The following MTUS1 variants were observed in gnomAD, a reference collection of about 807,000 sequenced individuals.
The protein encoded by MTUS1 is microtubule-associated tumor suppressor 1.
A neutral mutation model predicts 120.8 loss-of-function variants in MTUS1; 109 were observed. The ratio of observed to expected loss-of-function variants is 0.90; its 90% CI spans 0.77 to 1.06. The LOEUF is 1.06. Among genes scored for constraint, MTUS1 ranks in the 50% least tolerant of loss-of-function variants. The probability of loss-of-function intolerance (pLI) is 0.00; values close to 1 mark genes in which losing one functional copy is unlikely to be tolerated. For synonymous variants in MTUS1, 737 were observed against 550.5 expected, an observed-to-expected ratio of 1.34 and a Z score of -4.74; for missense variants, 2,210 against 1,486.3, an observed-to-expected ratio of 1.49 and a Z score of -8.01.
intron 8 of MTUS1, among the ~76,000 whole-genome samples, chr8:17,663,399 G>C (rs1483493300): frequency 6.6e-6 from 1 of 152,156 alleles, no homozygotes; most frequent in African/African-American, 2.4e-5. Context: ...AAATGATACA[G>C]TGCTTTCCTA....
rs886696272 is a variant in MTUS1 at position 17,797,828 on chromosome 8, T to G, written c.-155+3233A>C. ...GGAATAAAAGGGACTCAGGCTCTCATGGAGAACACACTTCCTTTAGTGAGG... is the reference window on the plus strand; with the variant it reads ...GGAATAAAAGGGACTCAGGCTCTCAGGGAGAACACACTTCCTTTAGTGAGG... On this transcript the variant is annotated intron_variant, in intron 1 of 14. Transcript: ENST00000693296. Among the ~76,000 whole-genome samples the G allele has an allele frequency of 2.0e-5, 3 of 152,326 alleles. No homozygotes were observed. In the East Asian group the frequency reaches 5.8e-4, roughly 29 times the overall value.
rs763067829 is a variant in MTUS1 at position 17,647,040 on chromosome 8, A to G, written c.3541T>C (p.Phe1181Leu). The G allele has an allele frequency of 5.6e-6, 9 of 1,614,050 alleles. No individual in the cohort carries two copies. Among genetic ancestry groups the G allele is most frequent in the Non-Finnish European group, 7.6e-6 (9 of 1,180,002 alleles). Residue 1181 changes from phenylalanine (F) to leucine (L), a missense_variant, in exon 14 of 15, where the codon TTC becomes CTC. Transcript: ENST00000693296. The part of the protein sequence containing the change: ...NTALVDKLKR[F>L]QQENEELKAR... ...TTCAATTCTTCATTCTCCTGCTGGAAACGCTTCAATTTGTCAACCAATGCT... is the reference window on the plus strand; with the variant it reads ...TTCAATTCTTCATTCTCCTGCTGGAGACGCTTCAATTTGTCAACCAATGCT...
chr8:17,691,699 T>A (rs1816971216), intron 6 of MTUS1, among the ~76,000 whole-genome samples: 1 of 152,234 alleles, frequency 6.6e-6, no homozygotes. Flanking sequence ...AATGCTAATA[T>A]ATGTGTTTTT....
At chr8:17,693,532 T>A (rs1817370075) in intron 6 of MTUS1, among the ~76,000 whole-genome samples, 1 of 152,212 alleles carries the variant, frequency 6.6e-6, no homozygotes, top group South Asian at 2.1e-4. Context: ...CCACATTCTA[T>A]GCTCAGAAAT....
At chr8:17,799,178 T>G (rs2052487736) in intron 1 of MTUS1, among the ~76,000 whole-genome samples, 1 of 152,190 alleles carries the variant, frequency 6.6e-6, no homozygotes, top group Non-Finnish European at 1.5e-5. Context: ...CAACTGTATT[T>G]CAAGGGCACT....
chr8:17,720,302 G>C (rs1482996861), intron 4 of MTUS1, among the ~76,000 whole-genome samples: 1 of 151,236 alleles, frequency 6.6e-6, no homozygotes, highest in Admixed American at 6.6e-5. Flanking sequence ...CTGAGATCAT[G>C]CCACTGCACT....
At chr8:17,774,394 G>A (rs1263105204) in intron 1 of MTUS1, among the ~76,000 whole-genome samples, 1 of 152,190 alleles carries the variant, frequency 6.6e-6, no homozygotes, top group African/African-American at 2.4e-5. Flanking sequence ...CAAATCAGAA[G>A]AGGATAAGGA....
At chr8:17,683,540 C>G (rs1815078363) in intron 7 of MTUS1, among the ~76,000 whole-genome samples, 2 of 152,192 alleles carry the variant, frequency 1.3e-5, no homozygotes, top group Non-Finnish European at 2.9e-5. Flanking sequence ...GATCCTCCCT[C>G]CTCGTCTTCC....
In MTUS1 at chr8:17,749,891, G is replaced by T. The variant is rs560428306; in HGVS notation, c.2091+3826C>A. Reference sequence around the variant, plus strand: ...CCTAAGGGCTGTGTCATGGGCCACTGGTCACTCATGTTTGGCTCAGAATAA... The same window carrying T: ...CCTAAGGGCTGTGTCATGGGCCACTTGTCACTCATGTTTGGCTCAGAATAA... On this transcript the variant is annotated intron_variant, in intron 2 of 14. Coordinates refer to ENST00000693296, the MANE Select transcript of MTUS1 (RefSeq NM_001363059.2). Among the ~76,000 whole-genome samples the T allele has an allele frequency of 3.3e-5, 5 of 152,164 alleles. No homozygotes were observed. The South Asian group carries it at 1.0e-3, about 32-fold the overall frequency.
intron 13 of MTUS1, among the ~76,000 whole-genome samples, chr8:17,648,329 G>C (rs148021583): frequency 6.6e-6 from 1 of 152,304 alleles, no homozygotes; most frequent in African/African-American, 2.4e-5. Flanking sequence ...ATATTATCAG[G>C]ATACCTCTGG....
At chr8:17,780,153 G>A (rs2050761559) in intron 1 of MTUS1, among the ~76,000 whole-genome samples, 1 of 151,984 alleles carries the variant, frequency 6.6e-6, no homozygotes, top group Non-Finnish European at 1.5e-5. Flanking sequence ...CGGACTCTGG[G>A]CACACTTCCT....
intron 1 of MTUS1, among the ~76,000 whole-genome samples, chr8:17,773,215 C>A (rs932420340): frequency 2.7e-4 from 41 of 152,208 alleles, no homozygotes; most frequent in African/African-American, 9.9e-4. Flanking sequence ...TTAAACATCA[C>A]TGCAAATCAA....
intron 6 of MTUS1, among the ~76,000 whole-genome samples, chr8:17,689,010 G>C (rs984223485): frequency 2.0e-5 from 3 of 152,134 alleles, no homozygotes; most frequent in African/African-American, 7.2e-5. Context: ...ACGTGATTGA[G>C]ACCATTCTGG....
At chr8:17,734,235 C>G (rs1215042616) in intron 3 of MTUS1, 2 of 152,168 alleles carry the variant, frequency 1.3e-5, no homozygotes, top group African/African-American at 4.8e-5. Flanking sequence ...TAAGTAAATA[C>G]GTTGCAGAAC....
chr8:17,665,083 C>G (rs909186303), intron 8 of MTUS1, among the ~76,000 whole-genome samples: 2 of 152,186 alleles, frequency 1.3e-5, no homozygotes, highest in Non-Finnish European at 2.9e-5. Flanking sequence ...TGTAGAAAGT[C>G]TTCCCAGCCT....
At chr8:17,746,597 G>A (rs924491300) in intron 2 of MTUS1, among the ~76,000 whole-genome samples, 3 of 151,944 alleles carry the variant, frequency 2.0e-5, no homozygotes, top group African/African-American at 7.3e-5. Flanking sequence ...AGAACAGTAT[G>A]GGGGAAACCA....
At chr8:17,767,104 G>C (rs2049570582) in intron 1 of MTUS1, among the ~76,000 whole-genome samples, 2 of 145,970 alleles carry the variant, frequency 1.4e-5, no homozygotes, top group African/African-American at 5.1e-5. Context: ...AATGACAAAT[G>C]GTTTTTAAAA....
At chr8:17,724,587 T>A (rs1349752896) in intron 3 of MTUS1, among the ~76,000 whole-genome samples, 1 of 152,152 alleles carries the variant, frequency 6.6e-6, no homozygotes, top group Non-Finnish European at 1.5e-5. Flanking sequence ...TTTCTTGCAG[T>A]AAAAATGTTT....
intron 3 of MTUS1, chr8:17,724,069 G>C (rs1022348292): frequency 6.9e-6 from 4 of 580,376 alleles, no homozygotes; most frequent in Non-Finnish European, 9.3e-6. Context: ...AGAAGTGTAG[G>C]AGTAACCCTG....
Sources: allele counts gnomAD v4.1 joint callset (sites outside exome capture counted in the v4.1 genomes callset), GRCh38; gene constraint gnomAD v4.1.1; transcripts MANE v1.5; gene names NCBI Gene and HGNC (gene_info 2026-07-23, HGNC 2026-07-21).